SOX6: variants seen among roughly 807,000 people sequenced by gnomAD.
The protein encoded by SOX6 is SRY-box transcription factor 6.
A neutral mutation model predicts 97.8 loss-of-function variants in SOX6; 11 were observed. The observed-to-expected ratio is 0.11, with a 90% CI of 0.07 to 0.19. The LOEUF (loss-of-function observed/expected upper bound fraction) is 0.19, where lower values mean the gene tolerates loss of function less well. SOX6 is among the 10% of genes least tolerant of loss of function. SOX6 has a pLI of 1.00. For synonymous variants in SOX6, 360 were observed against 371.4 expected (o/e 0.97, Z 0.35); for missense variants, 810 against 1,039.5 (o/e 0.78, Z 3.04).
intron 4 of SOX6, among the ~76,000 whole-genome samples, chr11:16,569,922 A>G (rs1032206278): frequency 6.7e-6 from 1 of 150,274 alleles, no homozygotes; most frequent in African/African-American, 2.4e-5. Flanking sequence ...TTGTATTTTT[A>G]GTGGGGAAAA....
chr11:16,318,977 T>A (rs1471868243), intron 2 of SOX6, among the ~76,000 whole-genome samples: 1 of 152,190 alleles, frequency 6.6e-6, no homozygotes, highest in African/African-American at 2.4e-5. Flanking sequence ...TTTACACCTT[T>A]CATTCAAATT....
intron 3 of SOX6, among the ~76,000 whole-genome samples, chr11:16,238,272 T>G (rs888948622): frequency 2.0e-5 from 3 of 152,040 alleles, no homozygotes; most frequent in Admixed American, 1.3e-4. Context: ...TCTTTCCCTT[T>G]TCAAATTAAA....
chr11:16,544,188 A>G (rs1847588196), intron 4 of SOX6, among the ~76,000 whole-genome samples: 1 of 152,176 alleles, frequency 6.6e-6, no homozygotes. Flanking sequence ...CAGAAAAATT[A>G]TTATTGCCCT....
intron 9 of SOX6, among the ~76,000 whole-genome samples, chr11:16,067,529 TG>T (rs1247747116): frequency 1.3e-5 from 2 of 152,222 alleles, no homozygotes; most frequent in Admixed American, 1.3e-4. Context: ...CCCAGCCATG[TG>T]GAACTCTGAG....
chr11:16,550,572 G>A (rs1847672332), intron 4 of SOX6, among the ~76,000 whole-genome samples: 1 of 152,050 alleles, frequency 6.6e-6, no homozygotes, highest in Non-Finnish European at 1.5e-5. Flanking sequence ...TTACTAAAAA[G>A]AGTGAATTTC....
chr11:16,469,210 TAAC>T (rs888247097), intron 1 of SOX6, among the ~76,000 whole-genome samples: 1 of 152,098 alleles, frequency 6.6e-6, no homozygotes, highest in African/African-American at 2.4e-5. Flanking sequence ...TCCAGAGTAT[TAAC>T]AAACTTTTTA....
intron 4 of SOX6, among the ~76,000 whole-genome samples, chr11:16,511,132 T>C (rs1266347072): frequency 6.6e-6 from 1 of 152,180 alleles, no homozygotes; most frequent in Non-Finnish European, 1.5e-5. Flanking sequence ...TCTTACTGAA[T>C]GACAGTTTAC....
intron 3 of SOX6, among the ~76,000 whole-genome samples, chr11:16,639,142 G>T (rs1848847876): frequency 6.6e-6 from 1 of 152,174 alleles, no homozygotes; most frequent in African/African-American, 2.4e-5. Context: ...TGGCTAGCCA[G>T]TTTTCCCAGC....
intron 3 of SOX6, among the ~76,000 whole-genome samples, chr11:16,617,732 T>C (rs1009336583): frequency 6.6e-6 from 1 of 151,788 alleles, no homozygotes; most frequent in Non-Finnish European, 1.5e-5. Flanking sequence ...AAATTCACAA[T>C]GCATTCCAAT....
At chr11:16,150,248 C>T (rs1206567459) in intron 6 of SOX6, among the ~76,000 whole-genome samples, 1 of 152,126 alleles carries the variant, frequency 6.6e-6, no homozygotes, top group Non-Finnish European at 1.5e-5. Flanking sequence ...TTGGGAAGAA[C>T]TACTTTTATA....
chr11:16,429,870 C>T (rs971020284), intron 1 of SOX6, among the ~76,000 whole-genome samples: 3 of 152,090 alleles, frequency 2.0e-5, no homozygotes, highest in Non-Finnish European at 2.9e-5. Flanking sequence ...CTGAACTACC[C>T]GCACTCTGGT....
At chr11:16,376,464 T>A (rs775638584) in intron 1 of SOX6, among the ~76,000 whole-genome samples, 3 of 152,122 alleles carry the variant, frequency 2.0e-5, no homozygotes, top group Non-Finnish European at 2.9e-5. Context: ...ACATAATCCA[T>A]GCATGTTTGA....
chr11:16,307,001 T>C (rs1855461838), intron 3 of SOX6, among the ~76,000 whole-genome samples: 3 of 152,170 alleles, frequency 2.0e-5, no homozygotes, highest in African/African-American at 4.8e-5. Context: ...ATTCTAATTA[T>C]GTGCAGTGTG....
chr11:16,323,155 T>G (rs1049295047), intron 2 of SOX6, among the ~76,000 whole-genome samples: 1 of 152,102 alleles, frequency 6.6e-6, no homozygotes, highest in Non-Finnish European at 1.5e-5. Flanking sequence ...AAAAAAGCCA[T>G]GTTGATTCAG....
chr11:16,348,636 C>T (rs1308356046), intron 1 of SOX6, among the ~76,000 whole-genome samples: 2 of 152,066 alleles, frequency 1.3e-5, no homozygotes, highest in Non-Finnish European at 2.9e-5. Flanking sequence ...TTTCCAAGCA[C>T]AAAGACCTAC....
chr11:16,492,875 C>T (rs1057184177), intron 4 of SOX6, among the ~76,000 whole-genome samples: 6 of 152,150 alleles, frequency 3.9e-5, no homozygotes, highest in Non-Finnish European at 7.3e-5. Context: ...ATGTGCTTAA[C>T]TTCACTAATA....
At chr11:16,506,824 G>A (rs1860795053) in intron 4 of SOX6, among the ~76,000 whole-genome samples, 1 of 152,112 alleles carries the variant, frequency 6.6e-6, no homozygotes, top group Non-Finnish European at 1.5e-5. Flanking sequence ...AGAACTTTGG[G>A]AGGCCAAGGC....
intron 3 of SOX6, among the ~76,000 whole-genome samples, chr11:16,686,115 G>C (rs372339451): frequency 6.6e-6 from 1 of 152,302 alleles, no homozygotes; most frequent in East Asian, 1.9e-4. Flanking sequence ...TAGACCTCTG[G>C]GTCTGTGATG....
intron 10 of SOX6, among the ~76,000 whole-genome samples, chr11:16,054,373 A>G (rs934838456): frequency 6.6e-6 from 1 of 152,164 alleles, no homozygotes; most frequent in Non-Finnish European, 1.5e-5. Flanking sequence ...GTCTGTTTCC[A>G]TAAGTGATTC....
Sources: gnomAD v4.1 joint callset for allele counts (sites outside exome capture counted in the v4.1 genomes callset) on GRCh38, gnomAD v4.1.1 for gene constraint, MANE v1.5 for transcripts, NCBI Gene and HGNC (gene_info 2026-07-23, HGNC 2026-07-21) for gene names.